ITPR2: variants seen among roughly 807,000 people sequenced by gnomAD.
ITPR2 encodes the protein inositol 1,4,5-trisphosphate receptor type 2.
A neutral mutation model predicts 317.1 loss-of-function variants in ITPR2; 207 were observed. The observed-to-expected ratio is 0.65, with a 90% confidence interval of 0.58 to 0.73. ITPR2 has a LOEUF of 0.73. Among genes scored for constraint, ITPR2 ranks in the 30% least tolerant of loss-of-function variants. The pLI is 0.00. For synonymous variants in ITPR2, 1,156 were observed against 1,149.1 expected, an observed-to-expected ratio of 1.01 and a Z score of -0.12; for missense variants, 2,613 against 3,284.0, an observed-to-expected ratio of 0.80 and a Z score of 4.99.
chr12:26,674,882 C>A (rs1181398734), intron 13 of ITPR2, among the ~76,000 whole-genome samples: 1 of 151,540 alleles, frequency 6.6e-6, no homozygotes, highest in Non-Finnish European at 1.5e-5. Context: ...AAAAAGTGGG[C>A]AAAGGACATG....
In ITPR2 at chr12:26,622,347, G is replaced by T; in HGVS notation, c.3181C>A (p.Leu1061Ile). ...DEGGRTFLRV[L>I]IHLIMHDYPP... is the part of the protein sequence containing the mutation. ...TAGTCGTGCATGATCAGATGAATGA[G>T]GACCCGTAAAAACGTCCTGCCTCCT... The change falls in exon 25 of 57, where the codon CTC becomes ATC. Residue 1061 changes from leucine to isoleucine, a missense_variant. By Grantham distance (5) the Leu-to-Ile change is conservative. Coordinates refer to ENST00000381340, the MANE Select transcript of ITPR2 (RefSeq NM_002223.4). The T allele has an allele frequency of 6.2e-7, 1 of 1,613,316 alleles. No individual in the cohort carries two copies.
intron 14 of ITPR2, among the ~76,000 whole-genome samples, chr12:26,665,696 T>C (rs1017315238): frequency 6.6e-6 from 1 of 152,110 alleles, no homozygotes; most frequent in African/African-American, 2.4e-5. Context: ...ACACCTTGAC[T>C]GCAGCCTGGT....
At chr12:26,813,509 G>C (rs891832497) in intron 1 of ITPR2, among the ~76,000 whole-genome samples, 6 of 152,038 alleles carry the variant, frequency 3.9e-5, no homozygotes, top group Non-Finnish European at 8.8e-5. Flanking sequence ...TGCTTATTTG[G>C]GAAGTTTGTT....
rs1465168902 is a variant in ITPR2, at chr12:26,550,249, C to T, written c.5071G>A (p.Glu1691Lys). ...MLEKKDSFVE[E>K]GNTLRKILLN... ...AATAAAGTTTTTTAAAAAAATACCT[C>T]TTCCACAAAGCTGTCTTTCTTCTCT... The change falls in exon 37 of 57, where the codon GAG (glutamate) becomes AAG (lysine). Residue 1691 changes from glutamate to lysine, a missense_variant and splice_region_variant. Physicochemically the swap from Glu to Lys is moderately conservative, Grantham distance 56. Transcript: ENST00000381340. 5.9e-6 allele frequency: 8 copies of T among 1,358,578 alleles called. No homozygotes were observed. The highest frequency in any genetic ancestry group is 8.2e-6 in the Non-Finnish European group (8 of 970,570). The allele number at this position is 1,358,578 out of a possible 1,614,324, so 84.2% of individuals were successfully genotyped here.
chr12:26,500,627 A>G (rs1227887356), intron 37 of ITPR2, among the ~76,000 whole-genome samples: 1 of 152,232 alleles, frequency 6.6e-6, no homozygotes, highest in Non-Finnish European at 1.5e-5. Flanking sequence ...ACAACAAAAT[A>G]TCTCCATAAA....
Position 26,576,778 on chromosome 12 carries a change from C to T in ITPR2, c.4630+1935G>A, listed in dbSNP as rs566757567. ...ATCCCCTGCAGAGCAGCAGCCTGACCTAGCACCAGCCCAAGGGAGGTGCTA... is the reference window on the plus strand; with the variant it reads ...ATCCCCTGCAGAGCAGCAGCCTGACTTAGCACCAGCCCAAGGGAGGTGCTA... On this transcript the variant is annotated intron_variant, in intron 34 of 56. Transcript: ENST00000381340. Among the ~76,000 whole-genome samples, 226 of 152,290 alleles carry T rather than the reference C, an allele frequency of 1.5e-3. 1 individual carries two copies. The highest frequency in any genetic ancestry group is 2.9e-3 in the Admixed American group (44 of 15,298).
chr12:26,736,660 AG>A (rs1949123255), intron 2 of ITPR2, among the ~76,000 whole-genome samples: 1 of 152,136 alleles, frequency 6.6e-6, no homozygotes, highest in African/African-American at 2.4e-5. Context: ...TTCACTCTCA[AG>A]AATGTCCTGG....
At chr12:26,521,061 C>T (rs77414664) in intron 37 of ITPR2, among the ~76,000 whole-genome samples, 1 of 152,142 alleles carries the variant, frequency 6.6e-6, no homozygotes, top group Non-Finnish European at 1.5e-5. Flanking sequence ...GATTTTGCCC[C>T]TAAGTAGCTT....
intron 1 of ITPR2, among the ~76,000 whole-genome samples, chr12:26,798,486 C>T (rs1408484253): frequency 6.6e-6 from 1 of 152,188 alleles, no homozygotes; most frequent in Non-Finnish European, 1.5e-5. Context: ...ATTATTTTAT[C>T]ATTACAAGCT....
In ITPR2 at chr12:26,443,623, G is replaced by T; in HGVS notation, c.6370C>A (p.Gln2124Lys). Residue 2124 changes from glutamine to lysine, a missense_variant, in exon 46 of 57, where the codon CAG becomes AAG. Physicochemically the swap from Gln to Lys is moderately conservative, Grantham distance 53. Coordinates refer to ENST00000381340, the MANE Select transcript of ITPR2 (RefSeq NM_002223.4). ...GGATCCGATCCTGGTTTGAGCATCT[G>T]CTGCAACAGTTTATTGTGGCGGGCC... The part of the protein sequence containing the change: ...QLARHNKLLQ[Q>K]MLKPGSDPDE... 1 of 1,613,000 alleles carries T rather than the reference G, an allele frequency of 6.2e-7. No individual in the cohort carries two copies. Among genetic ancestry groups the T allele is most frequent in the East Asian group, 2.2e-5 (1 of 44,852 alleles).
intron 48 of ITPR2, among the ~76,000 whole-genome samples, chr12:26,430,978 G>A (rs907375447): frequency 1.1e-4 from 17 of 152,126 alleles, no homozygotes; most frequent in African/African-American, 4.1e-4. Context: ...TCCCTGGGTG[G>A]TCTTTACTAT....
intron 55 of ITPR2, among the ~76,000 whole-genome samples, chr12:26,378,105 A>G (rs928150386): frequency 1.3e-5 from 2 of 152,142 alleles, no homozygotes; most frequent in Admixed American, 1.3e-4. Context: ...AATACAGAAG[A>G]GAACAAAGCA....
chr12:26,636,861 G>A (rs529035944), intron 21 of ITPR2, among the ~76,000 whole-genome samples: 1 of 152,154 alleles, frequency 6.6e-6, no homozygotes, highest in Admixed American at 6.5e-5. Context: ...GGAAGTGGCA[G>A]AGTCTCAAGT....
At chr12:26,747,981 A>G (rs942479666) in intron 2 of ITPR2, among the ~76,000 whole-genome samples, 2 of 152,088 alleles carry the variant, frequency 1.3e-5, no homozygotes, top group African/African-American at 4.8e-5. Context: ...ATCAACTTCC[A>G]CCAATGCAAG....
In ITPR2 at chr12:26,715,363, A is replaced by G; in HGVS notation, c.791T>C (p.Leu264Pro). 6.2e-7 allele frequency: 1 copy of G among 1,613,776 alleles called. No individual in the cohort carries two copies. Among genetic ancestry groups the G allele is most frequent in the Non-Finnish European group, 8.5e-7 (1 of 1,179,724 alleles). Residue 264 changes from leucine to proline, a missense_variant, in exon 8 of 57, where the codon CTT becomes CCT. Physicochemically the swap from Leu to Pro is moderately conservative, Grantham distance 98 (BLOSUM62 -3). Coordinates refer to ENST00000381340, the MANE Select transcript of ITPR2 (RefSeq NM_002223.4). ...DEYEKKQHIF[L>P]RTTLRQSATS... ...AGCTGATTGGCGCAAGGTCGTACGA[A>G]GGAAAATGTGCTGTTTTTTCTCATA...
intron 34 of ITPR2, 62 bp downstream of exon 34, chr12:26,578,651 T>C: frequency 1.3e-6 from 2 of 1,494,398 alleles, no homozygotes; most frequent in Non-Finnish European, 9.1e-7. Flanking sequence ...TGTTGCCCAT[T>C]AGCCAAAAAC....
intron 55 of ITPR2, among the ~76,000 whole-genome samples, chr12:26,361,192 G>A (rs1214388882): frequency 7.3e-6 from 1 of 136,518 alleles, no homozygotes; most frequent in African/African-American, 2.9e-5. Context: ...TCCAGCCTGG[G>A]CAACAAGAGC....
chr12:26,668,910 C>T (rs949418718), intron 13 of ITPR2, among the ~76,000 whole-genome samples: 2 of 151,970 alleles, frequency 1.3e-5, no homozygotes, highest in African/African-American at 4.8e-5. Context: ...TGCTTGAGCC[C>T]GAGTTCAAAA....
chr12:26,521,835 G>C (rs955467654), intron 37 of ITPR2, among the ~76,000 whole-genome samples: 1 of 152,092 alleles, frequency 6.6e-6, no homozygotes, highest in Non-Finnish European at 1.5e-5. Flanking sequence ...ATGCAGCAGC[G>C]AGTTATATTC....
Sources: gnomAD v4.1 joint callset for allele counts (sites outside exome capture counted in the v4.1 genomes callset) on GRCh38, gnomAD v4.1.1 for gene constraint, MANE v1.5 for transcripts, NCBI Gene and HGNC (gene_info 2026-07-23, HGNC 2026-07-21) for gene names.